NELL2: variants seen among roughly 807,000 people sequenced by gnomAD.
NELL2 encodes neural EGFL like 2, also known as protein kinase C-binding protein NELL2.
NELL2 carries 41 observed loss-of-function variants against 109.6 expected under a neutral mutation model. The ratio of observed to expected loss-of-function variants is 0.37; its 90% CI spans 0.29 to 0.49. NELL2 has a LOEUF of 0.49. NELL2 is among the 20% of genes least tolerant of loss of function. The pLI, the probability that NELL2 is intolerant of heterozygous loss-of-function variation, is 0.98. For synonymous variants in NELL2, 355 were observed against 344.7 expected (o/e 1.03, Z -0.33); for missense variants, 900 against 1,008.3 (o/e 0.89, Z 1.45).
At chr12:44,570,476 C>T (rs142756941) in intron 15 of NELL2, among the ~76,000 whole-genome samples, 12 of 152,096 alleles carry the variant, frequency 7.9e-5, no homozygotes, top group South Asian at 2.1e-4. Flanking sequence ...CAATCGAAGC[C>T]GATAATTCAG....
At chr12:44,780,983 T>C (rs1592519727) in intron 3 of NELL2, among the ~76,000 whole-genome samples, 1 of 151,912 alleles carries the variant, frequency 6.6e-6, no homozygotes, top group East Asian at 1.9e-4. Context: ...TACAAACATG[T>C]CCAGGTTTCA....
intron 2 of NELL2, among the ~76,000 whole-genome samples, chr12:44,868,369 T>A (rs1309992689): frequency 2.0e-5 from 3 of 152,150 alleles, no homozygotes; most frequent in Admixed American, 2.0e-4. Flanking sequence ...TCCAAAATGA[T>A]CTACAGATTT....
intron 3 of NELL2, among the ~76,000 whole-genome samples, chr12:44,804,807 A>G (rs766465438): frequency 1.7e-4 from 26 of 151,812 alleles, no homozygotes; most frequent in Admixed American, 3.9e-4. Flanking sequence ...AAAAAAAGAG[A>G]ATTAAATGAA....
At chr12:44,593,676 T>C (rs1187461107) in intron 15 of NELL2, among the ~76,000 whole-genome samples, 1 of 152,208 alleles carries the variant, frequency 6.6e-6, no homozygotes, top group Non-Finnish European at 1.5e-5. Context: ...ATGGCCACAC[T>C]GTCTTCCACA....
At chr12:44,821,064 C>CACAT (rs1943526993) in intron 2 of NELL2, among the ~76,000 whole-genome samples, 1 of 151,632 alleles carries the variant, frequency 6.6e-6, no homozygotes, top group African/African-American at 2.4e-5. Flanking sequence ...CACACACACA[C>CACAT]ACACACGTAT....
intron 12 of NELL2, among the ~76,000 whole-genome samples, chr12:44,672,000 A>T (rs1382065647): frequency 6.6e-6 from 1 of 152,196 alleles, no homozygotes; most frequent in Non-Finnish European, 1.5e-5. Flanking sequence ...CAGAGAGAGG[A>T]ATTATTTTGA....
At chr12:44,637,934 T>G (rs1349898237) in intron 13 of NELL2, among the ~76,000 whole-genome samples, 1 of 152,024 alleles carries the variant, frequency 6.6e-6, no homozygotes, top group Non-Finnish European at 1.5e-5. Context: ...TCTGTACACA[T>G]TGGTCCAACC....
At chr12:44,690,790 A>C (rs969973423) in intron 12 of NELL2, among the ~76,000 whole-genome samples, 2 of 152,216 alleles carry the variant, frequency 1.3e-5, no homozygotes, top group African/African-American at 4.8e-5. Flanking sequence ...TACTGTGAAT[A>C]AATGAATGCT....
intron 3 of NELL2, among the ~76,000 whole-genome samples, chr12:44,810,562 T>G (rs1321889216): frequency 6.6e-6 from 1 of 152,158 alleles, no homozygotes; most frequent in Non-Finnish European, 1.5e-5. Context: ...AGCCCTGTTT[T>G]GTAGCATCTG....
chr12:44,685,031 C>A (rs1948666920), intron 12 of NELL2, among the ~76,000 whole-genome samples: 1 of 151,868 alleles, frequency 6.6e-6, no homozygotes, highest in African/African-American at 2.4e-5. Context: ...TAAAGTCTCC[C>A]ATTATTATTG....
intron 15 of NELL2, among the ~76,000 whole-genome samples, chr12:44,542,320 C>A (rs1003334446): frequency 3.6e-5 from 5 of 139,260 alleles, no homozygotes; most frequent in Non-Finnish European, 6.1e-5. Context: ...ACCTTATCTT[C>A]TCAATCTCTG....
At chr12:44,834,940 C>T (rs10785538) in intron 2 of NELL2, among the ~76,000 whole-genome samples, 121,112 of 151,990 alleles carry the variant, frequency 0.8, 48,818 homozygotes, top group Middle Eastern at 0.94. Context: ...TTAAAGGCTT[C>T]AGGGACTAGC....
intron 9 of NELL2, among the ~76,000 whole-genome samples, chr12:44,741,613 C>T (rs989376767): frequency 2.4e-4 from 37 of 152,320 alleles, no homozygotes; most frequent in African/African-American, 6.3e-4. Flanking sequence ...CCTAATACTG[C>T]GCTTTTCCAA....
chr12:44,624,258 T>C (rs1946158103), intron 13 of NELL2, among the ~76,000 whole-genome samples: 1 of 152,132 alleles, frequency 6.6e-6, no homozygotes, highest in African/African-American at 2.4e-5. Flanking sequence ...CTTGCTTCCT[T>C]CCCAGTTGCA....
chr12:44,739,896 C>T (rs1011105775), intron 9 of NELL2, among the ~76,000 whole-genome samples: 4 of 152,044 alleles, frequency 2.6e-5, no homozygotes, highest in South Asian at 2.1e-4. Context: ...TCTTAAAACA[C>T]AACAACAACA....
At chr12:44,822,736 TAAGAA>T (rs1188129710) in intron 2 of NELL2, among the ~76,000 whole-genome samples, 9 of 152,180 alleles carry the variant, frequency 5.9e-5, no homozygotes, top group African/African-American at 1.7e-4. Flanking sequence ...AAAATCCCAC[TAAGAA>T]AACAACCCAC....
chr12:44,737,253 C>T (rs760793033), intron 9 of NELL2, among the ~76,000 whole-genome samples: 9 of 151,832 alleles, frequency 5.9e-5, no homozygotes, highest in Non-Finnish European at 1.2e-4. Flanking sequence ...TGCTAAATAA[C>T]CATTTTCTTG....
rs1949233568 is a variant in NELL2 at position 44,701,632 on chromosome 12, T to TAA, written c.1318+2092_1318+2093dup. ...CCTTTTGATCAATTCTACACCACAATAAACTAACTGCAAGTATTTTTGGCT... is the reference window on the plus strand; with the variant it reads ...CCTTTTGATCAATTCTACACCACAATAAAAACTAACTGCAAGTATTTTTGGCT... On this transcript the variant is annotated intron_variant, in intron 12 of 19. Coordinates refer to ENST00000429094, the MANE Select transcript of NELL2 (RefSeq NM_001145108.2). 3.3e-5 allele frequency among the ~76,000 whole-genome samples: 5 copies of TAA among 152,276 alleles called. No homozygotes were observed. The South Asian group carries it at 1.0e-3, about 32-fold the overall frequency.
chr12:44,721,407 C>T (rs576483310), intron 9 of NELL2, among the ~76,000 whole-genome samples: 29 of 152,142 alleles, frequency 1.9e-4, no homozygotes, highest in Non-Finnish European at 2.8e-4. Context: ...ACTATTAAAG[C>T]GACAAACATG....
Sources: gnomAD v4.1 joint callset for allele counts (sites outside exome capture counted in the v4.1 genomes callset) on GRCh38, gnomAD v4.1.1 for gene constraint, MANE v1.5 for transcripts, NCBI Gene and HGNC (gene_info 2026-07-23, HGNC 2026-07-21) for gene names.